The following OXCT1 variants were observed in gnomAD, a reference collection of about 807,000 sequenced individuals.
OXCT1 encodes succinyl-CoA:3-ketoacid coenzyme A transferase 1, mitochondrial.
Under a neutral mutation model 69.6 loss-of-function variants are expected in OXCT1, and 27 were observed. That is an observed-to-expected ratio of 0.39 (90% confidence interval 0.29 to 0.54). OXCT1 has a LOEUF of 0.54. Among genes scored for constraint, OXCT1 ranks in the 20% least tolerant of loss-of-function variants. The pLI, the probability that OXCT1 is intolerant of heterozygous loss-of-function variation, is 0.72. For synonymous variants in OXCT1, 202 were observed against 217.8 expected, an observed-to-expected ratio of 0.93 and a Z score of 0.64; for missense variants, 437 against 650.2, an observed-to-expected ratio of 0.67 and a Z score of 3.57.
intron 5 of OXCT1, among the ~76,000 whole-genome samples, chr5:41,844,051 A>C (rs1748775350): frequency 6.6e-6 from 1 of 152,224 alleles, no homozygotes; most frequent in Non-Finnish European, 1.5e-5. Context: ...ACTGGGGTAA[A>C]TATATGCAAA....
chr5:41,775,901 C>T (rs1561066723), intron 13 of OXCT1, among the ~76,000 whole-genome samples: 1 of 152,084 alleles, frequency 6.6e-6, no homozygotes, highest in Non-Finnish European at 1.5e-5. Context: ...CAGTTTCCCT[C>T]CAAGAGGTAG....
At chr5:41,812,586 G>C (rs995912138) in intron 7 of OXCT1, among the ~76,000 whole-genome samples, 1 of 151,966 alleles carries the variant, frequency 6.6e-6, no homozygotes, top group East Asian at 1.9e-4. Flanking sequence ...TCCTCAAAAT[G>C]CTCAAGATAA....
chr5:41,805,577 A>G lies in OXCT1; in HGVS notation c.945T>C (p.Asp315=). The change falls in exon 9 of 17, where the codon GAT becomes GAC. Residue 315 remains aspartate (D), a synonymous_variant. Transcript: ENST00000196371. ...AAGGATAAAGGATACCATACATGCC[A>G]TCCTCAAACTCAAGAGCGGCCCTCT... The part of the protein sequence containing the change: ...IIKRAALEFE[D]GMYANLGIGI... 3 of 1,609,756 alleles carry G rather than the reference A, an allele frequency of 1.9e-6. No individual in the cohort carries two copies. Among genetic ancestry groups the G allele is most frequent in the Non-Finnish European group, 1.7e-6 (2 of 1,176,324 alleles).
chr5:41,803,415 A>C (rs1746514198), intron 9 of OXCT1, among the ~76,000 whole-genome samples: 1 of 152,072 alleles, frequency 6.6e-6, no homozygotes, highest in Non-Finnish European at 1.5e-5. Context: ...CATTTGTCAC[A>C]TTTTAACAAA....
intron 9 of OXCT1, 22 bp downstream of exon 9, chr5:41,805,545 G>C: frequency 1.3e-6 from 2 of 1,519,840 alleles, no homozygotes; most frequent in Non-Finnish European, 1.8e-6. Flanking sequence ...TCTTTGCCCG[G>C]GCTCAGAAGG....
chr5:41,837,489 A>G (rs924270752), intron 7 of OXCT1, among the ~76,000 whole-genome samples: 1 of 152,046 alleles, frequency 6.6e-6, no homozygotes, highest in Non-Finnish European at 1.5e-5. Flanking sequence ...AGAAAGACTG[A>G]ATGAATGCAC....
At chr5:41,801,643 G>A (rs1197371747) in intron 10 of OXCT1, among the ~76,000 whole-genome samples, 1 of 152,084 alleles carries the variant, frequency 6.6e-6, no homozygotes, top group African/African-American at 2.4e-5. Flanking sequence ...TTGGCTAGAA[G>A]GACCTGGAGA....
intron 13 of OXCT1, among the ~76,000 whole-genome samples, chr5:41,789,503 T>C (rs775413312): frequency 6.6e-6 from 1 of 152,140 alleles, no homozygotes; most frequent in Non-Finnish European, 1.5e-5. Context: ...AGAACAAGCA[T>C]GAGTTAAAAA....
chr5:41,766,889 A>T (rs1483097725), intron 13 of OXCT1, among the ~76,000 whole-genome samples: 1 of 152,148 alleles, frequency 6.6e-6, no homozygotes, highest in Non-Finnish European at 1.5e-5. Flanking sequence ...GTGTGAATCT[A>T]TTGGAAGTCA....
In OXCT1 at chr5:41,762,254, A is replaced by G; in HGVS notation, c.1249-54T>C. 7.4e-7 allele frequency: 1 copy of G among 1,360,126 alleles called. No individual in the cohort carries two copies. The highest frequency in any genetic ancestry group is 1.1e-6 in the Non-Finnish European group (1 of 948,262). The allele number at this position is 1,360,126 out of a possible 1,614,324, so 84.3% of individuals were successfully genotyped here. A position where few individuals can be genotyped will look rare whatever the true frequency, so the allele number is the denominator to read the frequency against. On this transcript the variant is annotated intron_variant, in intron 13 of 16. Transcript: ENST00000196371. This position sits in a 1 kb window ranked among gnomAD's most constrained non-coding sequence, Gnocchi z 4.0. The stretch of plus-strand genomic sequence containing the variant: ...ATCTTTCACTTCTTTTGTATGTGAC[A>G]GAACAAAATTAACTTGCAAAAATAA...
At chr5:41,838,963 A>T in intron 7 of OXCT1, among the ~76,000 whole-genome samples, 1 of 152,036 alleles carries the variant, frequency 6.6e-6, no homozygotes, top group East Asian at 1.9e-4. Flanking sequence ...GAGTGTAGTG[A>T]ATTAGGAGTG....
chr5:41,778,755 T>C (rs896333647), intron 13 of OXCT1, among the ~76,000 whole-genome samples: 6 of 152,246 alleles, frequency 3.9e-5, no homozygotes, highest in Non-Finnish European at 8.8e-5. Flanking sequence ...CTGCAAGTAA[T>C]AAAAGCACTT....
intron 13 of OXCT1, among the ~76,000 whole-genome samples, chr5:41,766,184 A>G (rs36113900): frequency 0.18 from 27,727 of 152,076 alleles, 2,743 homozygotes; most frequent in Middle Eastern, 0.29. Context: ...CTCATTTCAT[A>G]GCCAACTCAT....
intron 16 of OXCT1, among the ~76,000 whole-genome samples, chr5:41,737,331 T>C (rs1742934638): frequency 6.6e-6 from 1 of 152,204 alleles, no homozygotes; most frequent in Non-Finnish European, 1.5e-5. Flanking sequence ...GCACCTTTTA[T>C]TGGAAAACAA....
chr5:41,744,148 T>C (rs1346709811), intron 15 of OXCT1, among the ~76,000 whole-genome samples: 9 of 152,204 alleles, frequency 5.9e-5, no homozygotes, highest in African/African-American at 2.2e-4. Flanking sequence ...TATCCTCTTC[T>C]ATTTCATTGA....
intron 10 of OXCT1, among the ~76,000 whole-genome samples, chr5:41,802,800 T>C (rs1746484258): frequency 1.3e-5 from 2 of 152,004 alleles, no homozygotes; most frequent in South Asian, 4.1e-4. Context: ...CAATACTACA[T>C]TGCTTACATT....
intron 11 of OXCT1, among the ~76,000 whole-genome samples, chr5:41,799,973 G>A (rs1024890317): frequency 1.3e-5 from 2 of 152,132 alleles, no homozygotes; most frequent in Admixed American, 6.6e-5. Context: ...TTTTGCGGGG[G>A]CAGAATGAAT....
chr5:41,765,262 T>C (rs944670517), intron 13 of OXCT1, among the ~76,000 whole-genome samples: 1 of 152,098 alleles, frequency 6.6e-6, no homozygotes, highest in Non-Finnish European at 1.5e-5. Context: ...GGAGGTGACA[T>C]CTATGATTTT....
intron 6 of OXCT1, among the ~76,000 whole-genome samples, chr5:41,841,411 G>A (rs1359062975): frequency 6.6e-6 from 1 of 152,074 alleles, no homozygotes; most frequent in Non-Finnish European, 1.5e-5. Flanking sequence ...AAGCTCCAAG[G>A]GCAGAATGGT....
Sources: gnomAD v4.1 joint callset for allele counts (sites outside exome capture counted in the v4.1 genomes callset) on GRCh38, gnomAD v4.1.1 for gene constraint, Gnocchi (gnomAD v3.1) non-coding constraint, MANE v1.5 for transcripts, NCBI Gene and HGNC (gene_info 2026-07-23, HGNC 2026-07-21) for gene names.